The following BMPR1B variants were observed in gnomAD, a reference collection of about 807,000 sequenced individuals.
The protein encoded by BMPR1B is bone morphogenetic protein receptor type-1B.
BMPR1B carries 12 observed loss-of-function variants against 59.1 expected under a neutral mutation model. The ratio of observed to expected loss-of-function variants is 0.20; its 90% CI spans 0.13 to 0.33. The LOEUF (loss-of-function observed/expected upper bound fraction) is 0.33, where lower values mean the gene tolerates loss of function less well. Among genes scored for constraint, BMPR1B ranks in the 10% least tolerant of loss-of-function variants. The pLI, the probability that BMPR1B is intolerant of heterozygous loss-of-function variation, is 1.00. For missense variants in BMPR1B, 550 were observed against 610.9 expected (o/e 0.90, Z 1.05); for synonymous variants, 237 against 207.3 (o/e 1.14, Z -1.23).
chr4:95,026,140 TTC>T (rs1210036805), intron 3 of BMPR1B, among the ~76,000 whole-genome samples: 1 of 149,338 alleles, frequency 6.7e-6, no homozygotes, highest in African/African-American at 2.5e-5. Flanking sequence ...CTTTCTTTCT[TTC>T]TTTCTTTCTT....
chr4:95,061,160 A>AACACACACACACACACACAC (rs58119571), intron 3 of BMPR1B, among the ~76,000 whole-genome samples: 3 of 142,668 alleles, frequency 2.1e-5, no homozygotes, highest in East Asian at 2.1e-4. Context: ...ATTTAGAATA[A>AACACACACACACACACACAC]ACACACACAC....
chr4:95,044,089 T>C (rs1450475496), intron 3 of BMPR1B, among the ~76,000 whole-genome samples: 1 of 152,210 alleles, frequency 6.6e-6, no homozygotes, highest in Non-Finnish European at 1.5e-5. Context: ...GGAAAGAAAA[T>C]AGGAATCTGC....
At chr4:94,874,186 T>G (rs2148970941) in intron 1 of BMPR1B, among the ~76,000 whole-genome samples, 1 of 152,296 alleles carries the variant, frequency 6.6e-6, no homozygotes, top group African/African-American at 2.4e-5. Flanking sequence ...CCACATTTTG[T>G]TTTATCCATT....
At chr4:94,815,704 A>G (rs1441128880) in intron 1 of BMPR1B, among the ~76,000 whole-genome samples, 1 of 152,206 alleles carries the variant, frequency 6.6e-6, no homozygotes, top group Non-Finnish European at 1.5e-5. Context: ...TACTCTAAGC[A>G]TTGGATTCCT....
chr4:95,048,679 G>A (rs999453750), intron 3 of BMPR1B, among the ~76,000 whole-genome samples: 2 of 152,066 alleles, frequency 1.3e-5, no homozygotes, highest in East Asian at 3.9e-4. Context: ...TGTGAAACCA[G>A]TTCTTGACCT....
chr4:94,865,913 G>A (rs1046080099), intron 1 of BMPR1B, among the ~76,000 whole-genome samples: 5 of 151,974 alleles, frequency 3.3e-5, no homozygotes, highest in African/African-American at 1.2e-4. Context: ...TCTGATTTGT[G>A]TCAGGAGTTT....
rs551190020 is a variant in BMPR1B, at chr4:94,883,413, A to G, written c.-113+7513A>G. ...TTATATTCTCTCTCTGCTACTAATC[A>G]GATACTACTGTGATAGCTTATTCTC... is the stretch of plus-strand genomic sequence containing the variant. On this transcript the variant is annotated intron_variant, in intron 2 of 12. Coordinates refer to ENST00000515059, the MANE Select transcript of BMPR1B (RefSeq NM_001203.3). Among the ~76,000 whole-genome samples the G allele has an allele frequency of 2.0e-5, 3 of 152,258 alleles. No individual in the cohort carries two copies. In the East Asian group the frequency reaches 5.8e-4, roughly 29 times the overall value.
chr4:94,803,619 C>T (rs781375575), intron 1 of BMPR1B, among the ~76,000 whole-genome samples: 10 of 152,100 alleles, frequency 6.6e-5, no homozygotes, highest in Non-Finnish European at 1.5e-4. Flanking sequence ...AAATTTAGCT[C>T]GGCAGAGATG....
In BMPR1B at chr4:95,034,452, C is replaced by T. The variant is rs112850824; in HGVS notation, c.-18+38318C>T. 8.4e-4 allele frequency among the ~76,000 whole-genome samples: 128 copies of T among 152,014 alleles called. 1 individual carries two copies. The South Asian group carries it at 1.0e-2, about 12-fold the overall frequency. On this transcript the variant is annotated intron_variant, in intron 3 of 12. Coordinates refer to ENST00000515059, the MANE Select transcript of BMPR1B (RefSeq NM_001203.3). ...CCCCTTCCCACCCATCCCACAGAGT[C>T]CCCAAAGTCCATTATATCATTCTTC...
chr4:94,901,867 C>T (rs754811887), intron 2 of BMPR1B, among the ~76,000 whole-genome samples: 5 of 151,934 alleles, frequency 3.3e-5, no homozygotes, highest in African/African-American at 4.8e-5. Flanking sequence ...GGCAAGAACA[C>T]TTGCACCAGA....
At chr4:94,950,119 C>T (rs2149053407) in intron 2 of BMPR1B, among the ~76,000 whole-genome samples, 1 of 152,182 alleles carries the variant, frequency 6.6e-6, no homozygotes, top group Middle Eastern at 3.4e-3. Flanking sequence ...TATCCTTTGC[C>T]CACTTTTTGA....
intron 3 of BMPR1B, among the ~76,000 whole-genome samples, chr4:95,033,986 T>C (rs1725056388): frequency 6.6e-6 from 1 of 152,154 alleles, no homozygotes; most frequent in African/African-American, 2.4e-5. Flanking sequence ...TCTTCCTGAA[T>C]GTATCCATCA....
At chr4:95,034,501 G>C (rs1192374867) in intron 3 of BMPR1B, among the ~76,000 whole-genome samples, 1 of 151,918 alleles carries the variant, frequency 6.6e-6, no homozygotes, top group African/African-American at 2.4e-5. Flanking sequence ...TTGTAGCTTA[G>C]TTCCTGCTTA....
At chr4:95,018,374 A>T (rs1723731733) in intron 3 of BMPR1B, among the ~76,000 whole-genome samples, 1 of 152,190 alleles carries the variant, frequency 6.6e-6, no homozygotes, top group Non-Finnish European at 1.5e-5. Flanking sequence ...GATTAATAAT[A>T]TTTCCAGAAA....
intron 1 of BMPR1B, among the ~76,000 whole-genome samples, chr4:94,782,073 G>T (rs1722610926): frequency 6.6e-6 from 1 of 151,404 alleles, no homozygotes; most frequent in African/African-American, 2.4e-5. Flanking sequence ...TTCTTAAAAT[G>T]AATTTGTTTT....
chr4:94,942,823 G>C (rs749971858), intron 2 of BMPR1B, among the ~76,000 whole-genome samples: 5 of 152,182 alleles, frequency 3.3e-5, no homozygotes, highest in Admixed American at 6.5e-5. Context: ...AGATAAATAT[G>C]ATTTTCTTTG....
At chr4:94,930,802 T>C (rs777391686) in intron 2 of BMPR1B, among the ~76,000 whole-genome samples, 1 of 152,158 alleles carries the variant, frequency 6.6e-6, no homozygotes, top group Non-Finnish European at 1.5e-5. Flanking sequence ...AGATATATCA[T>C]AGAAATATGC....
intron 1 of BMPR1B, among the ~76,000 whole-genome samples, chr4:94,873,555 C>T (rs980415666): frequency 1.1e-3 from 168 of 151,942 alleles, no homozygotes; most frequent in African/African-American, 3.8e-3. Flanking sequence ...TACAGGCGTG[C>T]GCCACCATGC....
chr4:94,992,559 T>C (rs1229409275), intron 2 of BMPR1B, among the ~76,000 whole-genome samples: 1 of 152,248 alleles, frequency 6.6e-6, no homozygotes, highest in Non-Finnish European at 1.5e-5. Flanking sequence ...AATGTTGTTT[T>C]TAGTGTTAGA....
Sources: gnomAD v4.1 joint callset for allele counts (sites outside exome capture counted in the v4.1 genomes callset) on GRCh38, gnomAD v4.1.1 for gene constraint, MANE v1.5 for transcripts, NCBI Gene and HGNC (gene_info 2026-07-23, HGNC 2026-07-21) for gene names.